The following UBE2E2 variants were observed in gnomAD, a reference collection of about 807,000 sequenced individuals.
UBE2E2 encodes the protein ubiquitin conjugating enzyme E2 E2, also known as ubiquitin-conjugating enzyme E2 E2.
Under a neutral mutation model 24.7 loss-of-function variants are expected in UBE2E2, and 6 were observed. That is an observed-to-expected ratio of 0.24 (90% CI 0.13 to 0.48). The LOEUF (loss-of-function observed/expected upper bound fraction) is 0.48, where lower values mean the gene tolerates loss of function less well. Ranked by LOEUF, UBE2E2 falls within the 20% of genes least tolerant of loss-of-function variation. The pLI is 0.99. For missense variants in UBE2E2, 169 were observed against 245.0 expected, an observed-to-expected ratio of 0.69 and a Z score of 2.07; for synonymous variants, 104 against 83.6, an observed-to-expected ratio of 1.24 and a Z score of -1.33.
chr3:23,321,176 T>C (rs200617912), intron 3 of UBE2E2, among the ~76,000 whole-genome samples: 1 of 152,232 alleles, frequency 6.6e-6, no homozygotes, highest in East Asian at 1.9e-4. Context: ...CAAATTTTCC[T>C]CCTCTTACAA....
chr3:23,252,920 G>A (rs1006978487), intron 3 of UBE2E2, among the ~76,000 whole-genome samples: 4 of 152,166 alleles, frequency 2.6e-5, no homozygotes, highest in Non-Finnish European at 5.9e-5. Flanking sequence ...TGATTAATCA[G>A]CTTGTAAAGA....
At chr3:23,370,188 G>A (rs1210936438) in intron 3 of UBE2E2, among the ~76,000 whole-genome samples, 10 of 151,792 alleles carry the variant, frequency 6.6e-5, no homozygotes, top group Admixed American at 3.3e-4. Flanking sequence ...CTTTAATCCT[G>A]TCTACATTCT....
At chr3:23,580,269 T>C (rs1696445255) in intron 5 of UBE2E2, among the ~76,000 whole-genome samples, 1 of 152,230 alleles carries the variant, frequency 6.6e-6, no homozygotes, top group Non-Finnish European at 1.5e-5. Context: ...CAGAGAACTC[T>C]TTCCTGAAAG....
intron 3 of UBE2E2, among the ~76,000 whole-genome samples, chr3:23,464,972 C>T (rs1315685929): frequency 2.0e-5 from 3 of 152,172 alleles, no homozygotes; most frequent in South Asian, 2.1e-4. Context: ...AGTATTTACC[C>T]AACATCCTTT....
intron 3 of UBE2E2, among the ~76,000 whole-genome samples, chr3:23,259,873 A>T (rs1575511752): frequency 6.6e-6 from 1 of 152,218 alleles, no homozygotes; most frequent in South Asian, 2.1e-4. Flanking sequence ...TAGTGTCAAT[A>T]AGAGGTGTGG....
intron 4 of UBE2E2, among the ~76,000 whole-genome samples, chr3:23,506,652 C>G (rs922341355): frequency 6.6e-6 from 1 of 152,104 alleles, no homozygotes; most frequent in African/African-American, 2.4e-5. Context: ...ACCCCATATG[C>G]TGAAAGATTC....
intron 3 of UBE2E2, among the ~76,000 whole-genome samples, chr3:23,272,087 C>T (rs1384213433): frequency 1.3e-5 from 2 of 152,186 alleles, no homozygotes; most frequent in African/African-American, 2.4e-5. Flanking sequence ...GGGGTGATGC[C>T]TGTTGGGGAG....
chr3:23,496,158 TC>T (rs1189650172), intron 3 of UBE2E2, among the ~76,000 whole-genome samples: 3 of 152,150 alleles, frequency 2.0e-5, no homozygotes, highest in East Asian at 1.9e-4. Flanking sequence ...TACAGTAGGA[TC>T]TTTTTTTTAT....
intron 3 of UBE2E2, among the ~76,000 whole-genome samples, chr3:23,382,450 A>G (rs938495643): frequency 1.3e-5 from 2 of 152,126 alleles, no homozygotes; most frequent in Non-Finnish European, 1.5e-5. Flanking sequence ...CGAAAGTGCT[A>G]GGATTATGGG....
chr3:23,320,938 C>T (rs956777432), intron 3 of UBE2E2, among the ~76,000 whole-genome samples: 1 of 152,190 alleles, frequency 6.6e-6, no homozygotes, highest in Non-Finnish European at 1.5e-5. Flanking sequence ...AAGTTAGTGC[C>T]TCACAGTTCT....
At chr3:23,418,694 T>C (rs1291051175) in intron 3 of UBE2E2, among the ~76,000 whole-genome samples, 1 of 152,174 alleles carries the variant, frequency 6.6e-6, no homozygotes, top group Non-Finnish European at 1.5e-5. Flanking sequence ...TTTCTGGAGA[T>C]GTTAAAAATC....
At chr3:23,393,419 G>A (rs923889979) in intron 3 of UBE2E2, among the ~76,000 whole-genome samples, 1 of 152,166 alleles carries the variant, frequency 6.6e-6, no homozygotes, top group East Asian at 1.9e-4. Context: ...AGATGTGGTC[G>A]CTGGACCAGC....
chr3:23,364,533 A>G (rs1341378899), intron 3 of UBE2E2, among the ~76,000 whole-genome samples: 1 of 152,214 alleles, frequency 6.6e-6, no homozygotes, highest in East Asian at 1.9e-4. Flanking sequence ...AAAGAAATGG[A>G]TAAATGCCTG....
chr3:23,522,148 T>TGAGGCA (rs1553617872), intron 4 of UBE2E2, among the ~76,000 whole-genome samples: 27,351 of 114,928 alleles, frequency 0.24, 3,430 homozygotes, highest in East Asian at 0.29. Context: ...TTTTTTTTTT[T>TGAGGCA]GAGGCAGAGT....
chr3:23,578,488 T>C (rs1352954072), intron 5 of UBE2E2, among the ~76,000 whole-genome samples: 1 of 152,196 alleles, frequency 6.6e-6, no homozygotes, highest in East Asian at 1.9e-4. Flanking sequence ...CATATGCTCA[T>C]TGCAGCACTA....
chr3:23,491,405 T>C lies in UBE2E2; in HGVS notation c.228-8203T>C, dbSNP rs541906754. On this transcript the variant is annotated intron_variant, in intron 3 of 5. Coordinates refer to ENST00000396703, the MANE Select transcript of UBE2E2 (RefSeq NM_152653.4). ...GGCCTATGTCTATGTTTTTATAACG[T>C]TTATATTTGCACAGAATGTTACCAC... Among the ~76,000 whole-genome samples the C allele has an allele frequency of 7.9e-5, 12 of 152,340 alleles. 1 individual carries two copies. Among genetic ancestry groups the C allele is most frequent in the Admixed American group, 7.8e-4 (12 of 15,294 alleles).
chr3:23,568,934 C>T (rs1234168132), intron 5 of UBE2E2, among the ~76,000 whole-genome samples: 1 of 151,712 alleles, frequency 6.6e-6, no homozygotes, highest in Non-Finnish European at 1.5e-5. Context: ...CAGTTCCTTA[C>T]ATGGTTAAAC....
At chr3:23,541,347 G>A (rs547892964) in intron 5 of UBE2E2, among the ~76,000 whole-genome samples, 31 of 152,244 alleles carry the variant, frequency 2.0e-4, no homozygotes, top group East Asian at 3.9e-4. Flanking sequence ...AAAAGAAAGC[G>A]CTTCCAAAAT....
chr3:23,318,735 A>G (rs569467200), intron 3 of UBE2E2, among the ~76,000 whole-genome samples: 5 of 152,310 alleles, frequency 3.3e-5, no homozygotes, highest in East Asian at 3.9e-4. Flanking sequence ...CCATGATTCA[A>G]TTACCTCCCA....
Sources: allele counts gnomAD v4.1 joint callset (sites outside exome capture counted in the v4.1 genomes callset), GRCh38; gene constraint gnomAD v4.1.1; transcripts MANE v1.5; gene names NCBI Gene and HGNC (gene_info 2026-07-23, HGNC 2026-07-21).